The following STK32B variants were observed in gnomAD, a reference collection of about 807,000 sequenced individuals.
STK32B encodes the protein serine/threonine-protein kinase 32B.
A neutral mutation model predicts 52.6 loss-of-function variants in STK32B; 43 were observed. The ratio of observed to expected loss-of-function variants is 0.82; its 90% confidence interval spans 0.64 to 1.05. STK32B has a LOEUF of 1.05. Ranked by LOEUF, STK32B falls within the 50% of genes least tolerant of loss-of-function variation. The probability of loss-of-function intolerance (pLI) is 0.00; values close to 1 mark genes in which losing one functional copy is unlikely to be tolerated. For synonymous variants in STK32B, 238 were observed against 204.3 expected (o/e 1.17, Z -1.41); for missense variants, 621 against 534.6 (o/e 1.16, Z -1.59).
chr4:5,482,134 A>G (rs1165145076), intron 11 of STK32B, among the ~76,000 whole-genome samples: 1 of 152,220 alleles, frequency 6.6e-6, no homozygotes, highest in African/African-American at 2.4e-5. Flanking sequence ...AGTCATTGGT[A>G]GCTTGATGGG....
At chr4:5,384,086 C>G (rs28371860) in intron 4 of STK32B, among the ~76,000 whole-genome samples, 35,842 of 151,936 alleles carry the variant, frequency 0.24, 4,782 homozygotes, top group African/African-American at 0.37. Flanking sequence ...GAGGCCATAG[C>G]GGGGGACAAT....
chr4:5,417,657 A>G (rs1294742501), intron 6 of STK32B, among the ~76,000 whole-genome samples: 1 of 151,912 alleles, frequency 6.6e-6, no homozygotes. Context: ...ATTCTAATTA[A>G]TGTTGTTTTT....
At chr4:5,161,096 C>T (rs13147160) in intron 2 of STK32B, among the ~76,000 whole-genome samples, 44 of 152,150 alleles carry the variant, frequency 2.9e-4, no homozygotes, top group African/African-American at 7.2e-4. Flanking sequence ...CATTATACCT[C>T]GGGTTCCCAG....
At chr4:5,486,331 TC>T (rs1719198320) in intron 11 of STK32B, among the ~76,000 whole-genome samples, 1 of 152,148 alleles carries the variant, frequency 6.6e-6, no homozygotes, top group African/African-American at 2.4e-5. Context: ...CAGTTTGATT[TC>T]AGACTGCTGT....
chr4:5,175,583 C>T (rs1719801572), intron 3 of STK32B, among the ~76,000 whole-genome samples: 2 of 152,202 alleles, frequency 1.3e-5, no homozygotes, highest in Non-Finnish European at 2.9e-5. Flanking sequence ...ACCCCGTTTC[C>T]CTGGGTATCA....
At chr4:5,157,866 A>T (rs1299370461) in intron 2 of STK32B, among the ~76,000 whole-genome samples, 1 of 152,174 alleles carries the variant, frequency 6.6e-6, no homozygotes, top group Non-Finnish European at 1.5e-5. Context: ...TGCTATTCCT[A>T]TGTAGGAATC....
chr4:5,355,948 G>A (rs1734144478), intron 4 of STK32B, among the ~76,000 whole-genome samples: 3 of 152,128 alleles, frequency 2.0e-5, no homozygotes, highest in Non-Finnish European at 4.4e-5. Context: ...ACCTCATTCT[G>A]CTGAGCTAGT....
At chr4:5,183,681 A>G (rs1720525420) in intron 3 of STK32B, among the ~76,000 whole-genome samples, 1 of 152,298 alleles carries the variant, frequency 6.6e-6, no homozygotes, top group Admixed American at 6.5e-5. Context: ...TGTTTAATTG[A>G]AAAATCTGTT....
the STK32B span, among the ~76,000 whole-genome samples, chr4:5,041,414 C>T: frequency 1.3e-5 from 2 of 152,186 alleles, no homozygotes; most frequent in Admixed American, 6.5e-5. Flanking sequence ...TCTGACCCAG[C>T]CTGGTTCACA....
intron 6 of STK32B, chr4:5,435,812 A>C (rs929204256): frequency 6.6e-6 from 1 of 152,412 alleles, no homozygotes; most frequent in East Asian, 1.9e-4. Flanking sequence ...GATGAAGAGC[A>C]TGGGGGAAAT....
At chr4:5,255,842 G>A (rs1726257570) in intron 3 of STK32B, among the ~76,000 whole-genome samples, 2 of 152,232 alleles carry the variant, frequency 1.3e-5, no homozygotes, top group Admixed American at 1.3e-4. Flanking sequence ...GGACAATGGG[G>A]TTGGTTTAAT....
intron 7 of STK32B, among the ~76,000 whole-genome samples, chr4:5,456,065 G>C (rs569105397): frequency 6.6e-6 from 1 of 152,136 alleles, no homozygotes; most frequent in South Asian, 2.1e-4. Context: ...CAGGGGGAGC[G>C]GGGACCGGGA....
intron 1 of STK32B, among the ~76,000 whole-genome samples, chr4:5,080,658 T>C (rs1712361425): frequency 6.6e-6 from 1 of 151,620 alleles, no homozygotes; most frequent in African/African-American, 2.4e-5. Flanking sequence ...ATTGAGATAA[T>C]TGACAAATAA....
chr4:5,068,397 C>T (rs1456977240), intron 1 of STK32B, among the ~76,000 whole-genome samples: 1 of 152,144 alleles, frequency 6.6e-6, no homozygotes. Flanking sequence ...TCTTGAGTTA[C>T]TTCACTTGGA....
At chr4:5,465,081 G>C (rs993758449) in intron 9 of STK32B, among the ~76,000 whole-genome samples, 8 of 152,260 alleles carry the variant, frequency 5.3e-5, no homozygotes, top group African/African-American at 1.9e-4. Flanking sequence ...CCCAAGGAGG[G>C]TCCACAGCAG....
chr4:5,075,002 A>G (rs1387211537), intron 1 of STK32B, among the ~76,000 whole-genome samples: 3 of 152,004 alleles, frequency 2.0e-5, no homozygotes, highest in Non-Finnish European at 4.4e-5. Context: ...AGCTCTTTCA[A>G]TTTTTCACCC....
intron 11 of STK32B, among the ~76,000 whole-genome samples, chr4:5,475,284 G>T (rs1366339479): frequency 6.6e-6 from 1 of 151,818 alleles, no homozygotes. Flanking sequence ...CATTAGCTGG[G>T]TGTGGTGGCA....
chr4:5,066,164 C>T (rs1269894404), intron 1 of STK32B, among the ~76,000 whole-genome samples: 1 of 152,138 alleles, frequency 6.6e-6, no homozygotes, highest in East Asian at 1.9e-4. Context: ...AATTTTCTTC[C>T]AGAATTTCCT....
chr4:5,336,467 A>G (rs570500216), intron 4 of STK32B, among the ~76,000 whole-genome samples: 6 of 152,192 alleles, frequency 3.9e-5, no homozygotes, highest in Non-Finnish European at 8.8e-5. Context: ...AGCTTAGGTT[A>G]AACAGTGACT....
Sources: gnomAD v4.1 joint callset for allele counts (sites outside exome capture counted in the v4.1 genomes callset) on GRCh38, gnomAD v4.1.1 for gene constraint, MANE v1.5 for transcripts, NCBI Gene and HGNC (gene_info 2026-07-23, HGNC 2026-07-21) for gene names.